BDP1: variants seen among roughly 807,000 people sequenced by gnomAD.
BDP1 encodes the protein transcription factor TFIIIB component B'' homolog.
BDP1 carries 169 observed loss-of-function variants against 266.6 expected under a neutral mutation model. That is an observed-to-expected ratio of 0.63 (90% CI 0.56 to 0.72). BDP1 has a LOEUF of 0.72. Among genes scored for constraint, BDP1 ranks in the 30% least tolerant of loss-of-function variants. The probability of loss-of-function intolerance (pLI) is 0.00; values close to 1 mark genes in which losing one functional copy is unlikely to be tolerated. For synonymous variants in BDP1, 1,090 were observed against 1,022.4 expected, an observed-to-expected ratio of 1.07 and a Z score of -1.26; for missense variants, 3,015 against 3,053.8, an observed-to-expected ratio of 0.99 and a Z score of 0.30.
chr5:71,504,852 C>A, intron 16 of BDP1, 101 bp downstream of exon 16: 4 of 1,083,400 alleles, frequency 3.7e-6, no homozygotes, highest in Non-Finnish European at 5.5e-6. Flanking sequence ...GATTTGTTGT[C>A]TGCGTGTCTA....
At chr5:71,505,942 C>CA (rs1764552702) in intron 16 of BDP1, among the ~76,000 whole-genome samples, 1 of 152,074 alleles carries the variant, frequency 6.6e-6, no homozygotes, top group African/African-American at 2.4e-5. Flanking sequence ...CATTGGAAGA[C>CA]AAAAAAATTT....
In BDP1 at chr5:71,553,108, C is replaced by A; in HGVS notation, c.6996-8C>A. On this transcript the variant is annotated splice_region_variant and splice_polypyrimidine_tract_variant and intron_variant, in intron 34 of 38. Transcript: ENST00000358731. ...CAGTAATTTAGTATGTATTTCTTTT[C>A]TATGCAGTATTTGTTTACCAGCAAC... The A allele has an allele frequency of 6.3e-7, 1 of 1,599,060 alleles. No homozygotes were observed. The highest frequency in any genetic ancestry group is 1.3e-5 in the African/African-American group (1 of 74,406).
chr5:71,536,745 G>A (rs921290813), intron 26 of BDP1, among the ~76,000 whole-genome samples: 2 of 152,050 alleles, frequency 1.3e-5, no homozygotes, highest in African/African-American at 2.4e-5. Context: ...CAGGAGGATC[G>A]CCTGGGCCCA....
chr5:71,489,443 A>G lies in BDP1; in HGVS notation c.1253A>G (p.Asp418Gly), dbSNP rs1414436319. ...VACEGVNNDP[D>G]ESMSSRISDT... ...TGTGAAGGAGTGAATAATGATCCAG[A>G]TGAGTCTATGAGTTCTAGAATTTCA... Residue 418 changes from aspartate to glycine, a missense_variant, in exon 10 of 39, where the codon GAT (aspartate) becomes GGT (glycine). By Grantham distance (94) the Asp-to-Gly change is moderately conservative (BLOSUM62 -1). Coordinates refer to ENST00000358731, the MANE Select transcript of BDP1 (RefSeq NM_018429.3). The G allele has an allele frequency of 3.7e-6, 6 of 1,613,650 alleles. No individual in the cohort carries two copies. In the South Asian group the frequency reaches 5.5e-5, roughly 15 times the overall value.
chr5:71,521,201 A>C (rs1333362195), intron 22 of BDP1, among the ~76,000 whole-genome samples: 1 of 151,884 alleles, frequency 6.6e-6, no homozygotes, highest in Non-Finnish European at 1.5e-5. Context: ...AAAAAAAAAA[A>C]AGATTAGTTT....
At chr5:71,479,677 G>T (rs1762819516) in intron 7 of BDP1, among the ~76,000 whole-genome samples, 2 of 151,294 alleles carry the variant, frequency 1.3e-5, no homozygotes, top group East Asian at 4.0e-4. Context: ...CTCCCAAGTA[G>T]CTGGGACAAC....
chr5:71,577,458 C>T, the BDP1 span, among the ~76,000 whole-genome samples: 13 of 152,248 alleles, frequency 8.5e-5, no homozygotes, highest in Admixed American at 2.0e-4. Flanking sequence ...TTATAATCCA[C>T]GATTCTATGG....
chr5:71,560,296 T>C, intron 37 of BDP1, 59 bp downstream of exon 37: 1 of 1,527,060 alleles, frequency 6.5e-7, no homozygotes, highest in South Asian at 1.2e-5. Flanking sequence ...ATATAACCTA[T>C]ACAGAACAGA....
chr5:71,485,081 G>T (rs1198963729), intron 8 of BDP1, among the ~76,000 whole-genome samples: 1 of 152,118 alleles, frequency 6.6e-6, no homozygotes. Flanking sequence ...AAAATAATTC[G>T]TAAATCTATA....
chr5:71,558,832 C>T (rs369869226), intron 36 of BDP1, among the ~76,000 whole-genome samples: 1 of 133,872 alleles, frequency 7.5e-6, no homozygotes, highest in East Asian at 2.3e-4. Context: ...GTCTCAAAAA[C>T]AAAAAAAAAA....
chr5:71,474,840 C>G (rs914672800), intron 7 of BDP1, among the ~76,000 whole-genome samples: 2 of 119,604 alleles, frequency 1.7e-5, no homozygotes, highest in Admixed American at 8.4e-5. Flanking sequence ...GAGCAAGACT[C>G]TGTCTGAAAA....
intron 22 of BDP1, among the ~76,000 whole-genome samples, chr5:71,519,938 A>G (rs1003788673): frequency 5.9e-5 from 9 of 152,164 alleles, no homozygotes; most frequent in African/African-American, 2.2e-4. Context: ...CGAACAGCCT[A>G]TGAGTTTTCC....
intron 19 of BDP1, among the ~76,000 whole-genome samples, chr5:71,513,687 C>A (rs963149721): frequency 6.6e-6 from 1 of 151,800 alleles, no homozygotes; most frequent in Non-Finnish European, 1.5e-5. Flanking sequence ...CAATTTTCTT[C>A]ATAGAAAAAA....
At position 71,524,171 on chromosome 5, in the gene BDP1, G is replaced by A. The variant is rs1163936072; in HGVS notation, c.5620G>A (p.Glu1874Lys). 1 of 1,614,090 alleles carries A rather than the reference G, an allele frequency of 6.2e-7. No individual in the cohort carries two copies. The highest frequency in any genetic ancestry group is 8.5e-7 in the Non-Finnish European group (1 of 1,180,050). Residue 1874 changes from glutamate (E) to lysine (K), a missense_variant, in exon 25 of 39, where the codon GAA (glutamate) becomes AAA (lysine). By Grantham distance (56) the Glu-to-Lys change is moderately conservative (BLOSUM62 1). Around this residue, in one of 3 missense-constraint regions of BDP1, gnomAD observed 2,383 missense variants for 2,404.9 expected, o/e 0.99. Transcript: ENST00000358731. Reference protein sequence around the residue: ...MLVTLRASQEEDDDADDFESD... With the variant: ...MLVTLRASQEKDDDADDFESD... ...GGTGACTCTTCGGGCTTCCCAGGAA[G>A]AAGATGATGATGCTGACGATTTTGA... is the stretch of plus-strand genomic sequence containing the variant.
chr5:71,480,401 T>G (rs1343297375), intron 7 of BDP1, among the ~76,000 whole-genome samples: 1 of 149,788 alleles, frequency 6.7e-6, no homozygotes, highest in Non-Finnish European at 1.5e-5. Context: ...CCCAAAGTGC[T>G]GGGATTACAG....
Position 71,512,400 on chromosome 5 carries a change from C to T in BDP1, c.4219C>T (p.Pro1407Ser), listed in dbSNP as rs761577146. ...EVQGIQSPDV[P>S]EQFSDINLSK... Reference sequence around the variant, plus strand: ...CCAGGGGATTCAATCTCCAGATGTTCCAGAGCAGTTTTCAGATATTAATTT... The same window carrying T: ...CCAGGGGATTCAATCTCCAGATGTTTCAGAGCAGTTTTCAGATATTAATTT... Residue 1407 changes from proline (P) to serine (S), a missense_variant, in exon 18 of 39, where the codon CCA (proline) becomes TCA (serine). Pro to Ser is a moderately conservative substitution (Grantham distance 74, BLOSUM62 -1). Coordinates refer to ENST00000358731, the MANE Select transcript of BDP1 (RefSeq NM_018429.3). The T allele has an allele frequency of 5.1e-6, 8 of 1,567,632 alleles. No homozygotes were observed. The highest frequency in any genetic ancestry group is 1.4e-5 in the African/African-American group (1 of 72,192).
chr5:71,470,422 G>A lies in BDP1; in HGVS notation c.947G>A (p.Ser316Asn). ...KETDMFFLAI[S>N]MVGTDFSMIG... ...ACAGATATGTTTTTTTTAGCCATCA[G>A]CATGGTAGGAACTGACTTTTCTATG... is the stretch of plus-strand genomic sequence containing the variant. Residue 316 changes from serine (S) to asparagine (N), a missense_variant, in exon 7 of 39, where the codon AGC becomes AAC. Around this residue, in one of 3 missense-constraint regions of BDP1, gnomAD observed 2,383 missense variants for 2,404.9 expected, o/e 0.99. Coordinates refer to ENST00000358731, the MANE Select transcript of BDP1 (RefSeq NM_018429.3). 3 of 1,609,978 alleles carry A rather than the reference G, an allele frequency of 1.9e-6. No individual in the cohort carries two copies. The highest frequency in any genetic ancestry group is 2.5e-6 in the Non-Finnish European group (3 of 1,178,244).
chr5:71,462,722 C>T (rs1276157487), intron 3 of BDP1, among the ~76,000 whole-genome samples: 1 of 151,990 alleles, frequency 6.6e-6, no homozygotes, highest in South Asian at 2.1e-4. Flanking sequence ...CCACTGCATT[C>T]TGGGTGCACT....
chr5:71,512,079 A>T (rs1764951125), intron 17 of BDP1, among the ~76,000 whole-genome samples, 162 bp from the exon 18 acceptor site: 1 of 152,088 alleles, frequency 6.6e-6, no homozygotes, highest in Admixed American at 6.6e-5. Flanking sequence ...GGGTTTCCTG[A>T]ATTCCAAGTT....
Sources: gnomAD v4.1 joint callset for allele counts (sites outside exome capture counted in the v4.1 genomes callset) on GRCh38, gnomAD v4.1.1 for gene constraint, gnomAD v4.1.1 regional missense constraint, MANE v1.5 for transcripts, NCBI Gene and HGNC (gene_info 2026-07-23, HGNC 2026-07-21) for gene names.